The following SLC7A13 variants were observed in gnomAD, a reference collection of about 807,000 sequenced individuals.
SLC7A13 encodes the protein solute carrier family 7 member 13.
A neutral mutation model predicts 32.0 loss-of-function variants in SLC7A13; 31 were observed. That is an observed-to-expected ratio of 0.97 (90% CI 0.73 to 1.31). The LOEUF (loss-of-function observed/expected upper bound fraction) is 1.31. Among genes scored for constraint, SLC7A13 ranks in the 50% most tolerant of loss-of-function variants. The pLI is 0.00. For missense variants in SLC7A13, 633 were observed against 546.9 expected, an observed-to-expected ratio of 1.16 and a Z score of -1.57; for synonymous variants, 232 against 206.9, an observed-to-expected ratio of 1.12 and a Z score of -1.04.
At chr8:86,218,387 T>C (rs1169619464) in intron 2 of SLC7A13, among the ~76,000 whole-genome samples, 3 of 152,160 alleles carry the variant, frequency 2.0e-5, no homozygotes, top group African/African-American at 4.8e-5. Context: ...ATTAAAAATA[T>C]GTATGACATT....
chr8:86,222,698 A>G (rs1444575149), intron 2 of SLC7A13, among the ~76,000 whole-genome samples: 1 of 151,530 alleles, frequency 6.6e-6, no homozygotes, highest in African/African-American at 2.4e-5. Context: ...AGATGAGATC[A>G]TGAAAGGAAT....
intron 2 of SLC7A13, among the ~76,000 whole-genome samples, chr8:86,218,635 A>C (rs1365759637): frequency 6.6e-6 from 1 of 151,776 alleles, no homozygotes; most frequent in African/African-American, 2.4e-5. Flanking sequence ...TAAGAAACTA[A>C]CCATTAGAGA....
In SLC7A13 at chr8:86,221,468, AT is replaced by A. The variant is rs773367303; in HGVS notation, c.817+1503del. Among the ~76,000 whole-genome samples, 349 of 151,888 alleles carry A rather than the reference AT, an allele frequency of 2.3e-3. 1 individual carries two copies. The highest frequency in any genetic ancestry group is 9.1e-3 in the East Asian group (47 of 5,180). On this transcript the variant is annotated intron_variant, in intron 2 of 3. Coordinates refer to ENST00000297524, the MANE Select transcript of SLC7A13 (RefSeq NM_138817.3). ...TTGGACTTAAAAAGATTAATTTAGA[AT>A]TTTTTTTTATTATACTTTAAGTTTT...
chr8:86,214,483 C>T lies in SLC7A13; in HGVS notation c.1343G>A (p.Trp448Ter). Residue 448 changes from tryptophan (W) to a stop codon, truncating the protein, a stop_gained, in exon 4 of 4, where the codon TGG becomes TAG. Transcript: ENST00000297524. LOFTEE classifies it high-confidence loss of function. ...TAAATAGCAAGTCATCTTCTCAAAC[C>T]AAGCCAATCTTATTTTAAAATGTAT... ...PLIHFKIRLAWFEKMTCYLQL... is the reference protein window; with the variant it reads ...PLIHFKIRLA 2 of 1,612,428 alleles carry T rather than the reference C, an allele frequency of 1.2e-6. No homozygotes were observed. Among genetic ancestry groups the T allele is most frequent in the Non-Finnish European group, 1.7e-6 (2 of 1,179,286 alleles).
intron 1 of SLC7A13, among the ~76,000 whole-genome samples, chr8:86,226,941 GCTAT>G (rs1378493009): frequency 6.6e-6 from 1 of 152,064 alleles, no homozygotes; most frequent in African/African-American, 2.4e-5. Context: ...TTCCGTTATG[GCTAT>G]CTATTAAATA....
Position 86,222,963 on chromosome 8 carries a change from CATACA to C in SLC7A13, c.817+4_817+8del. The C allele has an allele frequency of 6.3e-7, 1 of 1,585,878 alleles. No individual in the cohort carries two copies. Among genetic ancestry groups the C allele is most frequent in the East Asian group, 2.3e-5 (1 of 43,840 alleles). ...CTTTATTTATTGCTTTAGCCATTTG[CATACA>C]AACCTGAAGAGAGAATTTCCCTGGG... On this transcript the variant is annotated splice_donor_5th_base_variant and intron_variant, in intron 2 of 3. Transcript: ENST00000297524.
At chr8:86,217,056 A>G (rs954960066) in intron 3 of SLC7A13, among the ~76,000 whole-genome samples, 1 of 152,228 alleles carries the variant, frequency 6.6e-6, no homozygotes, top group Non-Finnish European at 1.5e-5. Context: ...ATTTGCCAAC[A>G]AAGTAAGCTG....
chr8:86,220,228 A>T (rs1387070806), intron 2 of SLC7A13, among the ~76,000 whole-genome samples: 1 of 152,110 alleles, frequency 6.6e-6, no homozygotes, highest in East Asian at 1.9e-4. Flanking sequence ...TAAATATGGC[A>T]TGGAACTCTC....
At chr8:86,227,631 C>T (rs950851003) in intron 1 of SLC7A13, among the ~76,000 whole-genome samples, 7 of 152,250 alleles carry the variant, frequency 4.6e-5, no homozygotes, top group South Asian at 2.1e-4. Flanking sequence ...AAAAGACTTC[C>T]GCACTTGCAT....
intron 3 of SLC7A13, chr8:86,215,721 C>T: frequency 2.3e-6 from 1 of 434,858 alleles, no homozygotes; most frequent in Non-Finnish European, 4.6e-6. Flanking sequence ...CAAAGAATCT[C>T]TTCTTAGCTT....
Position 86,214,465 on chromosome 8 carries a change from C to A in SLC7A13, c.1361G>T (p.Cys454Phe), listed in dbSNP as rs1409893665. 6.2e-7 allele frequency: 1 copy of A among 1,611,124 alleles called. No homozygotes were observed. The stretch of plus-strand genomic sequence containing the variant: ...AATATTAAATAGTAATTGTAAATAG[C>A]AAGTCATCTTCTCAAACCAAGCCAA... ...IRLAWFEKMT[C>F]YLQLLFNICL... is the part of the protein sequence containing the mutation. Residue 454 changes from cysteine to phenylalanine, a missense_variant, in exon 4 of 4, where the codon TGC becomes TTC. Transcript: ENST00000297524.
intron 1 of SLC7A13, among the ~76,000 whole-genome samples, chr8:86,227,920 A>G (rs978057343): frequency 3.9e-5 from 6 of 152,182 alleles, no homozygotes; most frequent in Admixed American, 2.6e-4. Context: ...AAATTGTGAC[A>G]CTGAGGATTC....
intron 3 of SLC7A13, among the ~76,000 whole-genome samples, chr8:86,216,230 A>C (rs1820178434): frequency 6.6e-6 from 1 of 152,228 alleles, no homozygotes; most frequent in African/African-American, 2.4e-5. Flanking sequence ...ACATGTTAAA[A>C]AGATGCAGCA....
At position 86,229,540 on chromosome 8, in the gene SLC7A13, T is replaced by C. The variant is rs1410657849; in HGVS notation, c.685+53A>G. 14 of 1,397,684 alleles carry C rather than the reference T, an allele frequency of 1.0e-5. No individual in the cohort carries two copies. In the East Asian group the frequency reaches 1.6e-4, roughly 16 times the overall value. 86.6% of individuals were successfully genotyped at this position (1,397,684 alleles called of 1,614,324 possible). A position where few individuals can be genotyped will look rare whatever the true frequency, so the allele number is the denominator to read the frequency against. On this transcript the variant is annotated intron_variant, in intron 1 of 3. Coordinates refer to ENST00000297524, the MANE Select transcript of SLC7A13 (RefSeq NM_138817.3). The stretch of plus-strand genomic sequence containing the variant: ...AATACAACAAATGATATGCATTTCA[T>C]ATTGTATGCAATAAGTCATGATTTT...
chr8:86,229,551 A>G (rs1402726156), intron 1 of SLC7A13, 42 bp downstream of exon 1: 14 of 1,485,408 alleles, frequency 9.4e-6, no homozygotes, highest in African/African-American at 1.4e-5. Flanking sequence ...ATTGTATGCA[A>G]TAAGTCATGA....
Position 86,229,817 on chromosome 8 carries a change from T to C in SLC7A13, c.461A>G (p.Lys154Arg). ...AGCTATCTGAAGCCAAGTCACTTCT[T>C]TCACACCACGAGAAGTCAGAATTCC... ...IVGILTSRGV[K>R]EVTWLQIASS... Residue 154 changes from lysine (K) to arginine (R), a missense_variant, in exon 1 of 4, where the codon AAA (lysine) becomes AGA (arginine). Physicochemically the swap from Lys to Arg is conservative, Grantham distance 26. Coordinates refer to ENST00000297524, the MANE Select transcript of SLC7A13 (RefSeq NM_138817.3). The C allele has an allele frequency of 6.2e-7, 1 of 1,614,188 alleles. No individual in the cohort carries two copies. The highest frequency in any genetic ancestry group is 8.5e-7 in the Non-Finnish European group (1 of 1,180,046).
chr8:86,218,965 C>A (rs1820241963), intron 2 of SLC7A13, among the ~76,000 whole-genome samples: 1 of 152,094 alleles, frequency 6.6e-6, no homozygotes, highest in Non-Finnish European at 1.5e-5. Flanking sequence ...GCTTATAACA[C>A]AAGGTAGGAC....
At chr8:86,215,537 T>C (rs1820166895) in intron 3 of SLC7A13, 1 of 320,352 alleles carries the variant, frequency 3.1e-6, no homozygotes, top group Non-Finnish European at 6.1e-6. Context: ...ATTACAAAAG[T>C]TAGCTGGGTG....
rs192418837 is a variant in SLC7A13 at position 86,214,533 on chromosome 8, G to A, written c.1293C>T (p.Ser431=). The change falls in exon 4 of 4, where the codon AGC becomes AGT. Residue 431 remains serine (S), a synonymous_variant. Coordinates refer to ENST00000297524, the MANE Select transcript of SLC7A13 (RefSeq NM_138817.3). ...HYVYVLLLVL[S]GLLFYIPLIH... The stretch of plus-strand genomic sequence containing the variant: ...TTAAAGGTATGTAAAATAGTAATCC[G>A]CTGAGAACTAACAGAAGCACGTAGA... 40 of 1,613,020 alleles carry A rather than the reference G, an allele frequency of 2.5e-5. No individual in the cohort carries two copies. In the Admixed American group the frequency reaches 2.5e-4, roughly 10 times the overall value.
Sources: gnomAD v4.1 joint callset for allele counts (sites outside exome capture counted in the v4.1 genomes callset) on GRCh38, gnomAD v4.1.1 for gene constraint, MANE v1.5 for transcripts, NCBI Gene and HGNC (gene_info 2026-07-23, HGNC 2026-07-21) for gene names.